The following FBXW10 variants were observed in gnomAD, a reference collection of about 807,000 sequenced individuals.
FBXW10 encodes F-box/WD repeat-containing protein 10.
FBXW10 carries 68 observed loss-of-function variants against 113.1 expected under a neutral mutation model. The ratio of observed to expected loss-of-function variants is 0.60; its 90% CI spans 0.49 to 0.74. The LOEUF is 0.74. FBXW10 is among the 30% of genes least tolerant of loss of function. The pLI is 0.00. For missense variants in FBXW10, 753 were observed against 1,284.5 expected, an observed-to-expected ratio of 0.59 and a Z score of 6.32; for synonymous variants, 289 against 481.6, an observed-to-expected ratio of 0.60 and a Z score of 5.24.
At chr17:18,765,776 G>C (rs2035485176) in intron 8 of FBXW10, among the ~76,000 whole-genome samples, 1 of 151,992 alleles carries the variant, frequency 6.6e-6, no homozygotes, top group African/African-American at 2.4e-5. Flanking sequence ...GGCCAGGTTA[G>C]AGTGCAGTGG....
intron 8 of FBXW10, among the ~76,000 whole-genome samples, chr17:18,765,255 C>T (rs1226969512): frequency 6.6e-6 from 1 of 152,226 alleles, no homozygotes; most frequent in East Asian, 1.9e-4. Context: ...AGTTTTGTGA[C>T]AGATGCTTAA....
intron 1 of FBXW10, among the ~76,000 whole-genome samples, chr17:18,747,608 C>T (rs962970352): frequency 6.6e-6 from 1 of 152,080 alleles, no homozygotes; most frequent in Non-Finnish European, 1.5e-5. Context: ...TATTTTGACT[C>T]GAGGGTGGTT....
chr17:18,752,661 C>T (rs1484855998), intron 5 of FBXW10, among the ~76,000 whole-genome samples: 4 of 149,934 alleles, frequency 2.7e-5, no homozygotes, highest in Admixed American at 1.3e-4. Flanking sequence ...TGCAGTGAGC[C>T]GAGATTGCGC....
At chr17:18,755,550 G>T (rs78926552) in intron 5 of FBXW10, among the ~76,000 whole-genome samples, 1,296 of 49,740 alleles carry the variant, frequency 0.026, no homozygotes, top group Admixed American at 0.051. Context: ...GCGAGACTCC[G>T]TCTGAAAAAA....
chr17:18,771,933 C>A (rs1457107058), intron 11 of FBXW10, among the ~76,000 whole-genome samples: 4 of 151,916 alleles, frequency 2.6e-5, no homozygotes, highest in East Asian at 3.9e-4. Flanking sequence ...CATGGCGAAA[C>A]CCTGTCGCTA....
At chr17:18,772,345 A>C in intron 11 of FBXW10, 67 bp from the exon 12 acceptor site, 1 of 1,427,402 alleles carries the variant, frequency 7.0e-7, no homozygotes, top group Non-Finnish European at 9.7e-7. Context: ...GTGGGATGGT[A>C]ACTGCAGTGC....
At chr17:18,760,223 T>C (rs1240049247) in intron 7 of FBXW10, among the ~76,000 whole-genome samples, 1 of 152,206 alleles carries the variant, frequency 6.6e-6, no homozygotes, top group African/African-American at 2.4e-5. Flanking sequence ...ACTTTCCTGA[T>C]TACTAATGAA....
In FBXW10 at chr17:18,749,763, A is replaced by C. The variant is rs761490921; in HGVS notation, c.712A>C (p.Asn238His). The change falls in exon 3 of 14, where the codon AAT (asparagine) becomes CAT (histidine). Residue 238 changes from asparagine (N) to histidine (H), a missense_variant. Physicochemically the swap from Asn to His is moderately conservative, Grantham distance 68. Coordinates refer to ENST00000395665, the MANE Select transcript of FBXW10 (RefSeq NM_001267585.2). ...RNSLRCISEM[N>H]RLFSGKGDIT... ...TTCACTCCGGTGTATATCCGAAATGAATAGGCTGTTTTCTGGAAAAGGAGA... is the reference window on the plus strand; with the variant it reads ...TTCACTCCGGTGTATATCCGAAATGCATAGGCTGTTTTCTGGAAAAGGAGA... 6 of 1,614,182 alleles carry C rather than the reference A, an allele frequency of 3.7e-6. No individual in the cohort carries two copies. The highest frequency in any genetic ancestry group is 5.1e-6 in the Non-Finnish European group (6 of 1,180,012).
At chr17:18,760,779 CAAA>C (rs71155352) in intron 7 of FBXW10, among the ~76,000 whole-genome samples, 22 of 135,888 alleles carry the variant, frequency 1.6e-4, no homozygotes, top group African/African-American at 4.6e-4. Flanking sequence ...AACTCGGTCT[CAAA>C]AAAAAAAAAA....
intron 1 of FBXW10, among the ~76,000 whole-genome samples, chr17:18,747,356 T>C (rs1468831150): frequency 1.3e-5 from 2 of 151,558 alleles, no homozygotes; most frequent in African/African-American, 4.9e-5. Context: ...GAGTCAGGAG[T>C]TCGAGACGAG....
At chr17:18,764,921 A>G (rs2035462289) in intron 8 of FBXW10, 58 bp downstream of exon 8, 1 of 1,613,420 alleles carries the variant, frequency 6.2e-7, no homozygotes, top group Non-Finnish European at 8.5e-7. Context: ...CGGGTTACCA[A>G]AATGCTTTGT....
intron 8 of FBXW10, among the ~76,000 whole-genome samples, chr17:18,766,116 A>C (rs1182128554): frequency 3.3e-5 from 5 of 152,104 alleles, no homozygotes; most frequent in African/African-American, 1.2e-4. Flanking sequence ...GCTCTAACAC[A>C]GTCTGTGTTG....
At chr17:18,752,712 CAAA>C (rs113012809) in intron 5 of FBXW10, among the ~76,000 whole-genome samples, 7 of 91,184 alleles carry the variant, frequency 7.7e-5, no homozygotes, top group Non-Finnish European at 9.5e-5. Flanking sequence ...GATTCCATCT[CAAA>C]AAAAAAAAAA....
At chr17:18,760,591 G>A (rs1236287018) in intron 7 of FBXW10, among the ~76,000 whole-genome samples, 2 of 152,190 alleles carry the variant, frequency 1.3e-5, no homozygotes, top group Non-Finnish European at 2.9e-5. Context: ...ATCATCTGAG[G>A]TCGGGAGTTT....
In FBXW10 at chr17:18,748,146, G is replaced by A. The variant is rs1480673846; in HGVS notation, c.670+41G>A. ...GCAAGAAAGCCAATATGGGCTAGGTGCGGTGGCTCATGCCTGTAATCCCAG... is the reference window on the plus strand; with the variant it reads ...GCAAGAAAGCCAATATGGGCTAGGTACGGTGGCTCATGCCTGTAATCCCAG... On this transcript the variant is annotated intron_variant, in intron 2 of 13. Coordinates refer to ENST00000395665, the MANE Select transcript of FBXW10 (RefSeq NM_001267585.2). 6.8e-6 allele frequency: 11 copies of A among 1,611,720 alleles called. No individual in the cohort carries two copies. The South Asian group carries it at 1.1e-4, about 16-fold the overall frequency.
At position 18,768,517 on chromosome 17, in the gene FBXW10, G is replaced by A. The variant is rs1480473427; in HGVS notation, c.1705-17G>A. On this transcript the variant is annotated splice_polypyrimidine_tract_variant and intron_variant, in intron 9 of 13. Coordinates refer to ENST00000395665, the MANE Select transcript of FBXW10 (RefSeq NM_001267585.2). ...AGTCACAGTCTGAGTTGAAGACAGTGGTATCTTTTCTTGCAGACTCTCAGT... is the reference window on the plus strand; with the variant it reads ...AGTCACAGTCTGAGTTGAAGACAGTAGTATCTTTTCTTGCAGACTCTCAGT... The A allele has an allele frequency of 1.9e-6, 3 of 1,613,748 alleles. No homozygotes were observed.
chr17:18,755,846 C>T (rs913408973), intron 5 of FBXW10, among the ~76,000 whole-genome samples, 199 bp from the exon 6 acceptor site: 1 of 152,040 alleles, frequency 6.6e-6, no homozygotes, highest in Non-Finnish European at 1.5e-5. Context: ...AATTAAGAAC[C>T]TTGACCCAAC....
rs72275127 is a variant in FBXW10 at position 18,768,026 on chromosome 17, TCTTCCTTCCTTC to T, written c.1705-491_1705-480del. Among the ~76,000 whole-genome samples, 8 of 135,680 alleles carry T rather than the reference TCTTCCTTCCTTC, an allele frequency of 5.9e-5. No individual in the cohort carries two copies. The South Asian group carries it at 9.7e-4, about 16-fold the overall frequency. The allele number at this position is 135,680 out of a possible 152,430, so 89.0% of individuals were successfully genotyped here. On this transcript the variant is annotated intron_variant, in intron 9 of 13. Transcript: ENST00000395665. Reference sequence around the variant, plus strand: ...TTTTCTTTTCCTTCCTTCCTTCCTTTCTTCCTTCCTTCCTTCCTTCCTTCCTTCTTTCTTTCT... The same window carrying T: ...TTTTCTTTTCCTTCCTTCCTTCCTTTCTTCCTTCCTTCCTTCTTTCTTTCT...
chr17:18,758,846 A>C (rs1438660937), intron 7 of FBXW10, among the ~76,000 whole-genome samples: 1 of 151,120 alleles, frequency 6.6e-6, no homozygotes, highest in Admixed American at 6.6e-5. Context: ...GGTTTGAGAC[A>C]GACTATAGAG....
Sources: allele counts gnomAD v4.1 joint callset (sites outside exome capture counted in the v4.1 genomes callset), GRCh38; gene constraint gnomAD v4.1.1; transcripts MANE v1.5; gene names NCBI Gene and HGNC (gene_info 2026-07-23, HGNC 2026-07-21).